NCOA2: variants seen among roughly 807,000 people sequenced by gnomAD.
The protein encoded by NCOA2 is class E basic helix-loop-helix protein 75.
A neutral mutation model predicts 145.1 loss-of-function variants in NCOA2; 21 were observed. The observed-to-expected ratio is 0.14, with a 90% CI of 0.10 to 0.21. The LOEUF (loss-of-function observed/expected upper bound fraction) is 0.21. Ranked by LOEUF, NCOA2 falls within the 10% of genes least tolerant of loss-of-function variation. The pLI is 1.00. For missense variants in NCOA2, 1,472 were observed against 1,837.6 expected (o/e 0.80, Z 3.64); for synonymous variants, 619 against 637.5 (o/e 0.97, Z 0.44).
chr8:70,383,278 G>A (rs1812375586), intron 1 of NCOA2, among the ~76,000 whole-genome samples: 1 of 152,200 alleles, frequency 6.6e-6, no homozygotes, highest in South Asian at 2.1e-4. Flanking sequence ...CCTCACCAAG[G>A]AGGAGCTGGA....
chr8:70,400,273 G>A (rs771193810), intron 1 of NCOA2, among the ~76,000 whole-genome samples: 1 of 152,126 alleles, frequency 6.6e-6, no homozygotes, highest in African/African-American at 2.4e-5. Flanking sequence ...GAACTCCTCT[G>A]TTTAAGACTG....
chr8:70,367,703 A>G (rs1810841623), intron 1 of NCOA2, among the ~76,000 whole-genome samples: 4 of 152,216 alleles, frequency 2.6e-5, no homozygotes, highest in Admixed American at 2.6e-4. Flanking sequence ...AGTGCTAAGG[A>G]TTTTTAAAGC....
At chr8:70,299,966 T>C (rs1827371183) in intron 1 of NCOA2, among the ~76,000 whole-genome samples, 1 of 152,208 alleles carries the variant, frequency 6.6e-6, no homozygotes, top group South Asian at 2.1e-4. Context: ...GAATTATCAA[T>C]ATGTGAACAA....
chr8:70,448,043 T>A, the NCOA2 span, among the ~76,000 whole-genome samples: 3 of 152,202 alleles, frequency 2.0e-5, no homozygotes, highest in African/African-American at 7.2e-5. Flanking sequence ...CTTATTCTAA[T>A]CAAATTTCTT....
At chr8:70,256,862 T>G (rs1275380276) in intron 2 of NCOA2, among the ~76,000 whole-genome samples, 2 of 152,322 alleles carry the variant, frequency 1.3e-5, no homozygotes, top group South Asian at 2.1e-4. Flanking sequence ...GCCTACTGTC[T>G]CATTGGTTCC....
intron 1 of NCOA2, among the ~76,000 whole-genome samples, chr8:70,336,498 T>G (rs1030988289): frequency 3.9e-5 from 6 of 152,188 alleles, no homozygotes; most frequent in Non-Finnish European, 8.8e-5. Flanking sequence ...GAAAAGAGGT[T>G]TAATTGAATC....
intron 2 of NCOA2, among the ~76,000 whole-genome samples, chr8:70,291,480 T>C (rs1275114276): frequency 6.6e-6 from 1 of 152,186 alleles, no homozygotes; most frequent in African/African-American, 2.4e-5. Context: ...AATTCTCTTA[T>C]ACTCCAAGAA....
At chr8:70,228,757 G>C (rs542293151) in intron 2 of NCOA2, among the ~76,000 whole-genome samples, 13 of 152,318 alleles carry the variant, frequency 8.5e-5, no homozygotes, top group Admixed American at 2.0e-4. Flanking sequence ...AGCATGGAAT[G>C]AAACTTGAAA....
intron 4 of NCOA2, among the ~76,000 whole-genome samples, chr8:70,184,154 C>G (rs1328178197): frequency 3.3e-5 from 5 of 152,118 alleles, no homozygotes; most frequent in Admixed American, 6.6e-5. Flanking sequence ...AGAATAATAG[C>G]TCAGGTGGTC....
chr8:70,140,959 T>C (rs796941731), intron 14 of NCOA2, among the ~76,000 whole-genome samples: 3 of 152,250 alleles, frequency 2.0e-5, no homozygotes, highest in African/African-American at 7.2e-5. Flanking sequence ...AATTAGGTAA[T>C]TTAGTAAAAA....
At chr8:70,417,919 A>G in the NCOA2 span, among the ~76,000 whole-genome samples, 1 of 149,786 alleles carries the variant, frequency 6.7e-6, no homozygotes, top group Non-Finnish European at 1.5e-5. Flanking sequence ...ATTCAGAGGC[A>G]CGAGAGAGCC....
At chr8:70,314,217 C>A (rs1805392274) in intron 1 of NCOA2, among the ~76,000 whole-genome samples, 2 of 117,072 alleles carry the variant, frequency 1.7e-5, no homozygotes, top group African/African-American at 3.4e-5. Context: ...AAGCAACTGT[C>A]ATGTCCACAA....
chr8:70,197,917 GC>G (rs1363937213), intron 4 of NCOA2, among the ~76,000 whole-genome samples: 2 of 151,292 alleles, frequency 1.3e-5, no homozygotes, highest in Non-Finnish European at 2.9e-5. Context: ...TCCCAGCTCA[GC>G]CTCTTGAGTA....
At chr8:70,160,838 G>C (rs1442074100) in intron 9 of NCOA2, among the ~76,000 whole-genome samples, 1 of 152,220 alleles carries the variant, frequency 6.6e-6, no homozygotes, top group Non-Finnish European at 1.5e-5. Context: ...CACAATGTTA[G>C]TCTGAAGTGG....
chr8:70,126,561 C>T lies in NCOA2; in HGVS notation c.3916+252G>A, dbSNP rs148659265. ...ACAGTCTATGCACACACACTTACTT[C>T]GGTCATTCTTAAAGTAAGACCTGCA... On this transcript the variant is annotated intron_variant, in intron 19 of 22. Transcript: ENST00000452400. 108 of 535,506 alleles carry T rather than the reference C, an allele frequency of 2.0e-4. No individual in the cohort carries two copies. In the East Asian group the frequency reaches 2.0e-3, roughly 10 times the overall value. 33.2% of individuals were successfully genotyped at this position (535,506 alleles called of 1,614,324 possible).
the NCOA2 span, among the ~76,000 whole-genome samples, chr8:70,436,153 G>C: frequency 6.6e-6 from 1 of 152,092 alleles, no homozygotes; most frequent in South Asian, 2.1e-4. Flanking sequence ...CTAGGTACTA[G>C]TTTTCAGAGG....
the NCOA2 span, among the ~76,000 whole-genome samples, chr8:70,446,740 A>C: frequency 1.3e-5 from 2 of 152,186 alleles, no homozygotes; most frequent in Non-Finnish European, 2.9e-5. Context: ...TTTCTGAAAG[A>C]AATGGTTCTT....
intron 2 of NCOA2, among the ~76,000 whole-genome samples, chr8:70,239,082 T>A (rs1332791187): frequency 6.6e-6 from 1 of 152,162 alleles, no homozygotes; most frequent in Non-Finnish European, 1.5e-5. Flanking sequence ...CTTTTCCTAC[T>A]GAATCCTAGG....
chr8:70,203,262 A>AAAAAAAAG (rs1818095921), intron 4 of NCOA2, among the ~76,000 whole-genome samples: 1 of 8,994 alleles, frequency 1.1e-4, no homozygotes, highest in South Asian at 1.1e-3. Flanking sequence ...ACTCTGTCTC[A>AAAAAAAAG]AAAAAAAAAA....
Sources: gnomAD v4.1 joint callset for allele counts (sites outside exome capture counted in the v4.1 genomes callset) on GRCh38, gnomAD v4.1.1 for gene constraint, MANE v1.5 for transcripts, NCBI Gene and HGNC (gene_info 2026-07-23, HGNC 2026-07-21) for gene names.